Variants in CUX2 observed in about 807,000 individuals in gnomAD.
CUX2 encodes homeobox protein cut-like 2.
Under a neutral mutation model 144.8 loss-of-function variants are expected in CUX2, and 40 were observed. The ratio of observed to expected loss-of-function variants is 0.28; its 90% confidence interval spans 0.21 to 0.36. The LOEUF (loss-of-function observed/expected upper bound fraction) is 0.36, where lower values mean the gene tolerates loss of function less well. CUX2 is among the 10% of genes least tolerant of loss of function. The pLI is 1.00. For synonymous variants in CUX2, 827 were observed against 875.6 expected (o/e 0.94, Z 0.98); for missense variants, 1,615 against 1,994.0 (o/e 0.81, Z 3.62).
intron 4 of CUX2, 150 bp from the exon 5 acceptor site, chr12:111,291,268 C>G: frequency 1.1e-6 from 1 of 936,204 alleles, no homozygotes; most frequent in Non-Finnish European, 1.5e-6. Flanking sequence ...CAAGCCTGCT[C>G]CCTCGTAGAG....
intron 1 of CUX2, among the ~76,000 whole-genome samples, chr12:111,169,909 T>A (rs1191623378): frequency 6.6e-6 from 1 of 151,956 alleles, no homozygotes; most frequent in Non-Finnish European, 1.5e-5. Context: ...TGGCAGGGAA[T>A]GACTATGGGC....
chr12:111,197,787 G>A (rs1270106976), intron 1 of CUX2, among the ~76,000 whole-genome samples: 2 of 152,196 alleles, frequency 1.3e-5, no homozygotes, highest in African/African-American at 4.8e-5. Flanking sequence ...CACCACCAGG[G>A]AGCCATAGGA....
At chr12:111,314,921 G>A (rs1311277655) in intron 16 of CUX2, among the ~76,000 whole-genome samples, 1 of 151,746 alleles carries the variant, frequency 6.6e-6, no homozygotes, top group Non-Finnish European at 1.5e-5. Flanking sequence ...AGGGAGGGAA[G>A]ACATGAGTTC....
chr12:111,232,842 C>A (rs1410968926), intron 3 of CUX2, among the ~76,000 whole-genome samples: 1 of 152,238 alleles, frequency 6.6e-6, no homozygotes, highest in African/African-American at 2.4e-5. Context: ...CTGCCAGGCA[C>A]TGCTATAGAC....
chr12:111,312,702 A>G lies in CUX2; in HGVS notation c.2002+501A>G, dbSNP rs2136379554. ...GTGACAAAGCAAGACTCTGTCAGAA[A>G]AAAAAAAAGAAAAATATCCCAAGAC... On this transcript the variant is annotated intron_variant, in intron 16 of 21. Coordinates refer to ENST00000261726, the MANE Select transcript of CUX2 (RefSeq NM_015267.4). This position sits in a 1 kb window ranked among gnomAD's most constrained non-coding sequence, Gnocchi z 4.3. Among the ~76,000 whole-genome samples, 1 of 152,158 alleles carries G rather than the reference A, an allele frequency of 6.6e-6. No individual in the cohort carries two copies. Among genetic ancestry groups the G allele is most frequent in the East Asian group, 1.9e-4 (1 of 5,172 alleles).
At chr12:111,269,615 A>G (rs1333554566) in intron 4 of CUX2, among the ~76,000 whole-genome samples, 1 of 152,138 alleles carries the variant, frequency 6.6e-6, no homozygotes, top group African/African-American at 2.4e-5. Flanking sequence ...CAGGAAGACA[A>G]AGGGAAACAG....
At chr12:111,323,118 G>A (rs1019978351) in intron 18 of CUX2, among the ~76,000 whole-genome samples, 1 of 152,212 alleles carries the variant, frequency 6.6e-6, no homozygotes, top group Non-Finnish European at 1.5e-5. Flanking sequence ...CCAGCTCCCT[G>A]CCACTGTGGG....
chr12:111,225,190 T>C (rs556904361), intron 3 of CUX2, among the ~76,000 whole-genome samples: 3 of 152,340 alleles, frequency 2.0e-5, no homozygotes. Context: ...AATGAGTTGA[T>C]ACTTGAAAAG....
At chr12:111,250,787 C>T (rs975164564) in intron 3 of CUX2, among the ~76,000 whole-genome samples, 3 of 152,138 alleles carry the variant, frequency 2.0e-5, no homozygotes, top group Non-Finnish European at 4.4e-5. Flanking sequence ...TGCCAAGCAG[C>T]GTGGGGCCAT....
intron 1 of CUX2, among the ~76,000 whole-genome samples, chr12:111,050,697 G>A (rs766860253): frequency 5.3e-5 from 8 of 151,904 alleles, no homozygotes; most frequent in African/African-American, 1.5e-4. Context: ...CTCCACCATC[G>A]TCACTTGGAC....
chr12:111,118,741 G>A (rs1422733619), intron 1 of CUX2, among the ~76,000 whole-genome samples: 1 of 152,160 alleles, frequency 6.6e-6, no homozygotes, highest in African/African-American at 2.4e-5. Flanking sequence ...ACAGTGGTTA[G>A]ACCCTTGGCT....
At chr12:111,118,417 G>A (rs1159505253) in intron 1 of CUX2, among the ~76,000 whole-genome samples, 1 of 152,218 alleles carries the variant, frequency 6.6e-6, no homozygotes, top group Admixed American at 6.5e-5. Context: ...GTGATGTCCA[G>A]TTGGTAGATT....
chr12:111,126,298 G>A (rs1875080486), intron 1 of CUX2, among the ~76,000 whole-genome samples: 1 of 152,008 alleles, frequency 6.6e-6, no homozygotes, highest in Non-Finnish European at 1.5e-5. Flanking sequence ...CAGTAGAGAC[G>A]GGGTTTCACC....
chr12:111,161,943 C>CCAATGTGGT (rs1050102709), intron 1 of CUX2, among the ~76,000 whole-genome samples: 2 of 152,172 alleles, frequency 1.3e-5, no homozygotes, highest in Admixed American at 6.5e-5. Context: ...CCCATGTTGC[C>CCAATGTGGT]CAATGTGGTC....
At chr12:111,142,664 A>G (rs1173742327) in intron 1 of CUX2, among the ~76,000 whole-genome samples, 1 of 152,264 alleles carries the variant, frequency 6.6e-6, no homozygotes, top group South Asian at 2.1e-4. Flanking sequence ...ACAGCAAAAT[A>G]TGTAGAACTG....
At chr12:111,179,552 G>A (rs1000973187) in intron 1 of CUX2, among the ~76,000 whole-genome samples, 5 of 152,160 alleles carry the variant, frequency 3.3e-5, no homozygotes, top group Admixed American at 1.3e-4. Flanking sequence ...AGAATGGTGC[G>A]TGGCACAGAG....
intron 1 of CUX2, among the ~76,000 whole-genome samples, chr12:111,047,202 G>C (rs75877900): frequency 0.01 from 1,539 of 152,338 alleles, 27 homozygotes; most frequent in African/African-American, 0.036. Context: ...TGGAATTCTC[G>C]GCTGGGGCTG....
intron 4 of CUX2, among the ~76,000 whole-genome samples, chr12:111,273,307 A>T (rs941605851): frequency 6.6e-6 from 1 of 152,084 alleles, no homozygotes; most frequent in Non-Finnish European, 1.5e-5. Context: ...CTGATTCCAC[A>T]CACACCCATA....
At chr12:111,184,520 C>A (rs1271548562) in intron 1 of CUX2, among the ~76,000 whole-genome samples, 1 of 134,006 alleles carries the variant, frequency 7.5e-6, no homozygotes, top group Non-Finnish European at 1.5e-5. Flanking sequence ...ACAATAAATT[C>A]TATGAAAATG....
Sources: allele counts gnomAD v4.1 joint callset (sites outside exome capture counted in the v4.1 genomes callset), GRCh38; gene constraint gnomAD v4.1.1; non-coding constraint Gnocchi (gnomAD v3.1); transcripts MANE v1.5; gene names NCBI Gene and HGNC (gene_info 2026-07-23, HGNC 2026-07-21).